The following PTPRT variants were observed in gnomAD, a reference collection of about 807,000 sequenced individuals.
PTPRT encodes receptor-type tyrosine-protein phosphatase T.
Under a neutral mutation model 176.8 loss-of-function variants are expected in PTPRT, and 56 were observed. That is an observed-to-expected ratio of 0.32 (90% CI 0.26 to 0.40). The LOEUF is 0.40. Ranked by LOEUF, PTPRT falls within the 10% of genes least tolerant of loss-of-function variation. The pLI is 1.00. For synonymous variants in PTPRT, 783 were observed against 739.0 expected, an observed-to-expected ratio of 1.06 and a Z score of -0.96; for missense variants, 1,540 against 1,908.2, an observed-to-expected ratio of 0.81 and a Z score of 3.60.
intron 5 of PTPRT, among the ~76,000 whole-genome samples, chr20:42,760,803 T>C (rs186189641): frequency 1.3e-5 from 2 of 152,340 alleles, no homozygotes; most frequent in East Asian, 3.9e-4. Flanking sequence ...CACTTGGAGA[T>C]GTTGTTTACT....
intron 1 of PTPRT, among the ~76,000 whole-genome samples, chr20:43,091,119 G>C (rs2011829453): frequency 6.6e-6 from 1 of 152,100 alleles, no homozygotes; most frequent in South Asian, 2.1e-4. Context: ...TGTAGTCCCA[G>C]CTACTGGGGA....
intron 6 of PTPRT, among the ~76,000 whole-genome samples, chr20:42,732,258 C>T (rs1393390316): frequency 6.6e-6 from 1 of 152,198 alleles, no homozygotes; most frequent in Non-Finnish European, 1.5e-5. Context: ...AGATGCCAGA[C>T]AGCACAGATA....
chr20:42,085,613 A>AT lies in PTPRT; in HGVS notation c.3972+114dup. ...CAGGCATCACTTCCTCAAGGAAGAA[A>AT]TTATCAGGAGAGCACAACACAGACT... On this transcript the variant is annotated intron_variant, in intron 28 of 30. Coordinates refer to ENST00000373187, the MANE Select transcript of PTPRT (RefSeq NM_007050.6). The AT allele has an allele frequency of 2.7e-6, 4 of 1,454,932 alleles. No individual in the cohort carries two copies. The South Asian group carries it at 5.2e-5, about 19-fold the overall frequency. The allele number at this position is 1,454,932 out of a possible 1,614,324, so 90.1% of individuals were successfully genotyped here. A position where few individuals can be genotyped will look rare whatever the true frequency, so the allele number is the denominator to read the frequency against.
At chr20:42,836,739 GAAC>G (rs1569183177) in intron 2 of PTPRT, among the ~76,000 whole-genome samples, 1 of 152,154 alleles carries the variant, frequency 6.6e-6, no homozygotes, top group Non-Finnish European at 1.5e-5. Context: ...CATAAAACTG[GAAC>G]AACAAGGCCT....
At chr20:42,184,750 C>T (rs374834403) in intron 16 of PTPRT, among the ~76,000 whole-genome samples, 9 of 150,830 alleles carry the variant, frequency 6.0e-5, no homozygotes, top group African/African-American at 2.2e-4. Context: ...GCCTCAGCCT[C>T]CTGAGTAGGT....
chr20:42,773,393 G>C (rs1292140300), intron 4 of PTPRT, among the ~76,000 whole-genome samples: 1 of 152,068 alleles, frequency 6.6e-6, no homozygotes, highest in Non-Finnish European at 1.5e-5. Flanking sequence ...CTGTTTGTAG[G>C]ACTTTACACG....
intron 1 of PTPRT, among the ~76,000 whole-genome samples, chr20:43,119,197 T>C (rs1235035056): frequency 6.6e-6 from 1 of 152,222 alleles, no homozygotes; most frequent in Non-Finnish European, 1.5e-5. Context: ...TCTGTTGTTT[T>C]AGCCCTTATA....
chr20:42,613,717 A>C (rs2074014104), intron 7 of PTPRT, among the ~76,000 whole-genome samples: 1 of 152,152 alleles, frequency 6.6e-6, no homozygotes, highest in African/African-American at 2.4e-5. Flanking sequence ...CACAATTACA[A>C]CTGTCTAAGC....
chr20:42,087,872 CAAAAA>C lies in PTPRT; in HGVS notation c.3847-2024_3847-2020del, dbSNP rs56235565. On this transcript the variant is annotated intron_variant, in intron 27 of 30. Transcript: ENST00000373187. ...TGGGAAACAGAGCAAGACTCCATTTCAAAAAAAAAAAAAAAAAAAAAAATAGAAGA... is the reference window on the plus strand; with the variant it reads ...TGGGAAACAGAGCAAGACTCCATTTCAAAAAAAAAAAAAAAAAATAGAAGA... Among the ~76,000 whole-genome samples, 358 of 89,050 alleles carry C rather than the reference CAAAAA, an allele frequency of 4.0e-3. 2 individuals are homozygous for C. Among genetic ancestry groups the C allele is most frequent in the African/African-American group, 0.012 (334 of 28,026 alleles). 58.4% of individuals were successfully genotyped at this position (89,050 alleles called of 152,430 possible).
At chr20:43,180,495 C>T (rs1271870207) in intron 1 of PTPRT, among the ~76,000 whole-genome samples, 2 of 151,416 alleles carry the variant, frequency 1.3e-5, no homozygotes, top group African/African-American at 2.4e-5. Context: ...CAGAGTTTCA[C>T]TCTTGTCTCC....
intron 1 of PTPRT, among the ~76,000 whole-genome samples, chr20:43,020,217 A>T: frequency 8.9e-6 from 1 of 111,902 alleles, no homozygotes. Flanking sequence ...ATGATATTTA[A>T]TTATGTAATA....
At chr20:42,986,488 A>G (rs1010569869) in intron 1 of PTPRT, among the ~76,000 whole-genome samples, 1 of 152,036 alleles carries the variant, frequency 6.6e-6, no homozygotes, top group Admixed American at 6.5e-5. Flanking sequence ...GTGGAATCCA[A>G]CTCCAGCATT....
intron 1 of PTPRT, among the ~76,000 whole-genome samples, chr20:43,007,700 G>C (rs748538975): frequency 1.3e-5 from 2 of 152,138 alleles, no homozygotes; most frequent in African/African-American, 4.8e-5. Context: ...CACATTGTCC[G>C]GCGACTTCAA....
At chr20:42,751,818 C>T (rs1733978437) in intron 6 of PTPRT, among the ~76,000 whole-genome samples, 1 of 152,184 alleles carries the variant, frequency 6.6e-6, no homozygotes, top group African/African-American at 2.4e-5. Context: ...AGCTTTCCTA[C>T]TTTTCAGGTT....
At chr20:42,572,145 G>A (rs138162425) in intron 7 of PTPRT, among the ~76,000 whole-genome samples, 144 of 152,144 alleles carry the variant, frequency 9.5e-4, no homozygotes, top group Non-Finnish European at 1.6e-3. Flanking sequence ...AGAAGAGGCC[G>A]GGGGCTCCCT....
chr20:42,883,594 G>A (rs80089501), intron 2 of PTPRT, among the ~76,000 whole-genome samples: 3,432 of 144,216 alleles, frequency 0.024, 74 homozygotes, highest in African/African-American at 0.059. Context: ...CTAAAGATGA[G>A]CAGAAAGAGC....
chr20:42,700,627 G>T (rs1452206814), intron 6 of PTPRT, among the ~76,000 whole-genome samples: 1 of 152,136 alleles, frequency 6.6e-6, no homozygotes, highest in African/African-American at 2.4e-5. Context: ...CTCGTTAACA[G>T]GAGCAGCCAA....
intron 1 of PTPRT, among the ~76,000 whole-genome samples, chr20:42,964,438 T>C (rs930597801): frequency 6.6e-6 from 1 of 152,146 alleles, no homozygotes; most frequent in Admixed American, 6.5e-5. Flanking sequence ...AAGGTATAAT[T>C]CACAAAGAAA....
chr20:43,128,296 A>C (rs1029092618), intron 1 of PTPRT, among the ~76,000 whole-genome samples: 1 of 152,250 alleles, frequency 6.6e-6, no homozygotes, highest in Non-Finnish European at 1.5e-5. Context: ...AAACGTCAGA[A>C]AATTTTTAAT....
Sources: allele counts gnomAD v4.1 joint callset (sites outside exome capture counted in the v4.1 genomes callset), GRCh38; gene constraint gnomAD v4.1.1; transcripts MANE v1.5; gene names NCBI Gene and HGNC (gene_info 2026-07-23, HGNC 2026-07-21).